DNAJB13: variants seen among roughly 807,000 people sequenced by gnomAD.
DNAJB13 encodes the protein DnaJ heat shock protein family (Hsp40) member B13, also known as dnaJ homolog subfamily B member 13.
In DNAJB13, 22 loss-of-function variants were observed where a neutral mutation model predicts 35.6. That is an observed-to-expected ratio of 0.62 (90% CI 0.44 to 0.88). DNAJB13 has a LOEUF of 0.88. DNAJB13 is among the 40% of genes least tolerant of loss of function. The pLI is 0.00. For synonymous variants in DNAJB13, 136 were observed against 144.2 expected (o/e 0.94, Z 0.41); for missense variants, 370 against 384.3 (o/e 0.96, Z 0.31).
intron 1 of DNAJB13, among the ~76,000 whole-genome samples, chr11:73,952,142 C>T (rs1309136906): frequency 2.0e-5 from 3 of 152,102 alleles, no homozygotes; most frequent in Non-Finnish European, 4.4e-5. Flanking sequence ...ATGAGTGTTA[C>T]AGAAGAGGAA....
chr11:73,952,282 A>G (rs1471980056), intron 1 of DNAJB13, among the ~76,000 whole-genome samples: 2 of 152,184 alleles, frequency 1.3e-5, no homozygotes, highest in South Asian at 4.1e-4. Flanking sequence ...GGATCACTGG[A>G]GGGTGAAGAA....
intron 1 of DNAJB13, among the ~76,000 whole-genome samples, chr11:73,954,343 A>G (rs1950674019): frequency 6.7e-6 from 1 of 148,634 alleles, no homozygotes; most frequent in Non-Finnish European, 1.5e-5. Flanking sequence ...TAAATAAAAA[A>G]AAGTAGGCCG....
chr11:73,957,693 G>T (rs1039943658), intron 1 of DNAJB13, among the ~76,000 whole-genome samples: 2 of 152,182 alleles, frequency 1.3e-5, no homozygotes, highest in Admixed American at 6.5e-5. Context: ...CAGAGAGAGG[G>T]TGGGGGCGGC....
rs114047938 is a variant in DNAJB13 at position 73,967,967 on chromosome 11, G to T, written c.607-378G>T. On this transcript the variant is annotated intron_variant, in intron 5 of 7. Transcript: ENST00000339764. The stretch of plus-strand genomic sequence containing the variant: ...CCAGAAGAGACCTCAGCAGAGTTTT[G>T]GTGACTTAATGAAGTTTGGGACAGG... 6.7e-3 allele frequency: 2,404 copies of T among 357,532 alleles called. 52 individuals carry two copies. Among genetic ancestry groups the T allele is most frequent in the African/African-American group, 0.047 (2,243 of 48,222 alleles). 22.1% of individuals were successfully genotyped at this position (357,532 alleles called of 1,614,324 possible). A position where few individuals can be genotyped will look rare whatever the true frequency, so the allele number is the denominator to read the frequency against.
At position 73,964,812 on chromosome 11, in the gene DNAJB13, T is replaced by TGCGCGC. The variant is rs1350955423; in HGVS notation, c.335-59_335-54dup. ...GTGTGTGTGTGTGTGTGTGTGTGTGTGCGCGCGCGCGCATGTCTGGGTCTC... is the reference window on the plus strand; with the variant it reads ...GTGTGTGTGTGTGTGTGTGTGTGTGTGCGCGCGCGCGCGCGCGCATGTCTGGGTCTC... On this transcript the variant is annotated intron_variant, in intron 3 of 7. Transcript: ENST00000339764. The TGCGCGC allele has an allele frequency of 2.2e-4, 157 of 698,268 alleles. 7 individuals carry two copies. In the African/African-American group the frequency reaches 2.3e-3, roughly 10 times the overall value. 43.3% of individuals were successfully genotyped at this position (698,268 alleles called of 1,614,324 possible). A position where few individuals can be genotyped will look rare whatever the true frequency, so the allele number is the denominator to read the frequency against.
intron 1 of DNAJB13, among the ~76,000 whole-genome samples, chr11:73,957,856 T>A (rs1950800007): frequency 6.6e-6 from 1 of 151,712 alleles, no homozygotes; most frequent in African/African-American, 2.4e-5. Context: ...AACCGTGAAG[T>A]ATGAAGGGAA....
Position 73,970,163 on chromosome 11 carries a change from C to G in DNAJB13, c.*49C>G, listed in dbSNP as rs183641677. 4 of 1,514,302 alleles carry G rather than the reference C, an allele frequency of 2.6e-6. No individual in the cohort carries two copies. Among genetic ancestry groups the G allele is most frequent in the Non-Finnish European group, 3.5e-6 (4 of 1,133,118 alleles). 93.8% of individuals were successfully genotyped at this position (1,514,302 alleles called of 1,614,324 possible). ...GAGAGGAGGCTAGCCGGGCCTCACC[C>G]CACCCCTACCCGCCACAGCCTCAGG... On this transcript the variant is annotated 3_prime_UTR_variant, in exon 8 of 8. Coordinates refer to ENST00000339764, the MANE Select transcript of DNAJB13 (RefSeq NM_153614.4).
intron 1 of DNAJB13, 62 bp from the exon 2 acceptor site, chr11:73,958,255 C>A: frequency 6.5e-7 from 1 of 1,549,374 alleles, no homozygotes; most frequent in Non-Finnish European, 8.9e-7. Flanking sequence ...CGGCTCTGAA[C>A]TCTGGTCCGC....
At chr11:73,954,487 G>A (rs1162093537) in intron 1 of DNAJB13, among the ~76,000 whole-genome samples, 5 of 150,732 alleles carry the variant, frequency 3.3e-5, no homozygotes, top group South Asian at 2.1e-4. Flanking sequence ...AAAAATAGCC[G>A]GGCGTGGTAG....
At position 73,965,068 on chromosome 11, in the gene DNAJB13, C is replaced by T. The variant is rs762919821; in HGVS notation, c.492+33C>T. 3 of 1,531,696 alleles carry T rather than the reference C, an allele frequency of 2.0e-6. No homozygotes were observed. The East Asian group carries it at 6.8e-5, about 35-fold the overall frequency. The allele number at this position is 1,531,696 out of a possible 1,614,324, so 94.9% of individuals were successfully genotyped here. On this transcript the variant is annotated intron_variant, in intron 4 of 7. Coordinates refer to ENST00000339764, the MANE Select transcript of DNAJB13 (RefSeq NM_153614.4). ...CTCAGCTTGCTCCTCCCGGGAGCCACCTATCTCCTGCAGCCTAGCAGCTGC... is the reference window on the plus strand; with the variant it reads ...CTCAGCTTGCTCCTCCCGGGAGCCATCTATCTCCTGCAGCCTAGCAGCTGC...
At chr11:73,951,668 C>T (rs759176941) in intron 1 of DNAJB13, among the ~76,000 whole-genome samples, 5 of 152,242 alleles carry the variant, frequency 3.3e-5, no homozygotes, top group African/African-American at 4.8e-5. Flanking sequence ...TGTTTTGAGA[C>T]GGAGTCTTGG....
rs599277 is a variant in DNAJB13 at position 73,969,018 on chromosome 11, G to A, written c.721-228G>A. ...TGGCTCCCACAAACGCTTTTATTCT[G>A]TCTCCATCATTACATTTATACAACA... is the stretch of plus-strand genomic sequence containing the variant. On this transcript the variant is annotated intron_variant, in intron 6 of 7. Transcript: ENST00000339764. Among the ~76,000 whole-genome samples the A allele has an allele frequency of 0.56, 84,760 of 151,930 alleles. 25,555 individuals are homozygous for A. Among genetic ancestry groups the A allele is most frequent in the African/African-American group, 0.81 (33,732 of 41,462 alleles).
chr11:73,964,782 T>G, intron 3 of DNAJB13, 96 bp from the exon 4 acceptor site: 2 of 771,308 alleles, frequency 2.6e-6, no homozygotes, highest in Non-Finnish European at 2.1e-6. Context: ...TGTGTGTGTG[T>G]GTGTGTGTGT....
intron 3 of DNAJB13, among the ~76,000 whole-genome samples, chr11:73,962,727 CCTTCTCTTTT>C (rs1950968930): frequency 6.6e-6 from 1 of 152,194 alleles, no homozygotes; most frequent in African/African-American, 2.4e-5. Context: ...TAAGTTCTTT[CCTTCTCTTTT>C]CTGTGCCAAT....
chr11:73,955,620 A>G (rs555361754), intron 1 of DNAJB13, among the ~76,000 whole-genome samples: 1 of 151,814 alleles, frequency 6.6e-6, no homozygotes, highest in Non-Finnish European at 1.5e-5. Flanking sequence ...TGAGGCCAGG[A>G]GTTTGAGACC....
intron 5 of DNAJB13, chr11:73,968,093 G>A (rs952625289): frequency 1.6e-5 from 8 of 492,240 alleles, no homozygotes; most frequent in South Asian, 1.2e-4. Context: ...AAGCCTCTCC[G>A]CCCCTCCAGC....
intron 1 of DNAJB13, among the ~76,000 whole-genome samples, chr11:73,955,243 G>A (rs1472217006): frequency 6.6e-6 from 1 of 151,836 alleles, no homozygotes; most frequent in Non-Finnish European, 1.5e-5. Flanking sequence ...TGATGTTATT[G>A]CAGGGATAAT....
At chr11:73,952,729 A>G (rs628901) in intron 1 of DNAJB13, among the ~76,000 whole-genome samples, 12,615 of 152,256 alleles carry the variant, frequency 0.083, 884 homozygotes, top group African/African-American at 0.19. Context: ...CAGCTTAAGC[A>G]CTGGAAAGGG....
rs1950575305 is a variant in DNAJB13, at chr11:73,951,089, C to T, written c.20C>T (p.Ser7Phe). The T allele has an allele frequency of 6.2e-7, 1 of 1,614,076 alleles. No individual in the cohort carries two copies. The highest frequency in any genetic ancestry group is 1.3e-5 in the African/African-American group (1 of 75,050). The change falls in exon 1 of 8, where the codon TCT becomes TTT. Residue 7 changes from serine to phenylalanine, a missense_variant. Physicochemically the swap from Ser to Phe is radical, Grantham distance 155 (BLOSUM62 -2). Transcript: ENST00000339764. ...CCAGCCATGGGCCAGGATTATTACT[C>T]TGTGCTCGGGATCACTCGCAATTCA... is the stretch of plus-strand genomic sequence containing the variant. MGQDYY[S>F]VLGITRNSED...
Sources: gnomAD v4.1 joint callset for allele counts (sites outside exome capture counted in the v4.1 genomes callset) on GRCh38, gnomAD v4.1.1 for gene constraint, MANE v1.5 for transcripts, NCBI Gene and HGNC (gene_info 2026-07-23, HGNC 2026-07-21) for gene names.